The following ZCWPW2 variants were observed in gnomAD, a reference collection of about 807,000 sequenced individuals.
ZCWPW2 encodes the protein zinc finger CW-type PWWP domain protein 2.
In ZCWPW2, 45 loss-of-function variants were observed where a neutral mutation model predicts 46.6. That is an observed-to-expected ratio of 0.96 (90% CI 0.76 to 1.24). ZCWPW2 has a LOEUF of 1.24. ZCWPW2 is among the 50% of genes most tolerant of loss of function. The probability of loss-of-function intolerance (pLI) is 0.00; values close to 1 mark genes in which losing one functional copy is unlikely to be tolerated. For missense variants in ZCWPW2, 429 were observed against 403.9 expected, an observed-to-expected ratio of 1.06 and a Z score of -0.53; for synonymous variants, 152 against 137.1, an observed-to-expected ratio of 1.11 and a Z score of -0.76.
intron 2 of ZCWPW2, among the ~76,000 whole-genome samples, chr3:28,403,519 A>G (rs1025183450): frequency 1.3e-5 from 2 of 152,180 alleles, no homozygotes; most frequent in African/African-American, 4.8e-5. Context: ...TACCATCATC[A>G]TTCTTCACGG....
chr3:28,406,362 C>T lies in ZCWPW2; in HGVS notation c.-13-6694C>T, dbSNP rs139054090. Among the ~76,000 whole-genome samples the T allele has an allele frequency of 2.6e-3, 390 of 152,302 alleles. 1 individual carries two copies. The highest frequency in any genetic ancestry group is 8.4e-3 in the African/African-American group (351 of 41,562). On this transcript the variant is annotated intron_variant, in intron 2 of 9. Coordinates refer to ENST00000383768, the MANE Select transcript of ZCWPW2 (RefSeq NM_001040432.4). ...GAAAATGGGAGAATGACCCTGCAGA[C>T]GATTCAGAAATCATCAGAGTTCTTG...
chr3:28,483,506 G>A (rs1355264664), intron 5 of ZCWPW2, among the ~76,000 whole-genome samples: 1 of 151,996 alleles, frequency 6.6e-6, no homozygotes, highest in East Asian at 1.9e-4. Flanking sequence ...GAATCAGTTT[G>A]TTGATTTCAC....
At chr3:28,493,138 A>ATTTTTTTTTTTTTTTT (rs1173597960) in intron 6 of ZCWPW2, among the ~76,000 whole-genome samples, 2 of 56,636 alleles carry the variant, frequency 3.5e-5, no homozygotes, top group Non-Finnish European at 6.5e-5. Context: ...TTTTTATTTT[A>ATTTTTTTTTTTTTTTT]TTTTTTTTAA....
intron 1 of ZCWPW2, among the ~76,000 whole-genome samples, chr3:28,349,791 G>A (rs1465921544): frequency 2.6e-5 from 4 of 152,128 alleles, no homozygotes; most frequent in Non-Finnish European, 4.4e-5. Context: ...TAGCAATACG[G>A]ACATTACTCA....
At chr3:28,458,225 A>G (rs1037995199) in intron 4 of ZCWPW2, among the ~76,000 whole-genome samples, 2 of 152,182 alleles carry the variant, frequency 1.3e-5, no homozygotes, top group Non-Finnish European at 2.9e-5. Context: ...TGCAAGTTCT[A>G]AACTCAGTGC....
chr3:28,366,855 T>G (rs1216429279), intron 1 of ZCWPW2, among the ~76,000 whole-genome samples: 1 of 152,240 alleles, frequency 6.6e-6, no homozygotes, highest in Non-Finnish European at 1.5e-5. Context: ...TTCAACTTCT[T>G]CCTGATTTAG....
intron 6 of ZCWPW2, among the ~76,000 whole-genome samples, chr3:28,497,814 T>C (rs186769849): frequency 6.6e-6 from 1 of 152,182 alleles, no homozygotes; most frequent in African/African-American, 2.4e-5. Context: ...CTTAACTCCC[T>C]TTTTTAGCTC....
chr3:28,445,964 T>C (rs1463256722), intron 4 of ZCWPW2, among the ~76,000 whole-genome samples: 3 of 152,154 alleles, frequency 2.0e-5, no homozygotes, highest in African/African-American at 7.2e-5. Context: ...AGATGTTCAA[T>C]ATAGCAAGAA....
intron 6 of ZCWPW2, among the ~76,000 whole-genome samples, chr3:28,506,878 C>T (rs766192775): frequency 1.3e-5 from 2 of 152,064 alleles, no homozygotes; most frequent in Non-Finnish European, 2.9e-5. Flanking sequence ...GATTGAACAA[C>T]TAATTGGCAA....
At chr3:28,385,913 CT>C (rs1471502508) in intron 1 of ZCWPW2, among the ~76,000 whole-genome samples, 1 of 149,342 alleles carries the variant, frequency 6.7e-6, no homozygotes, top group Non-Finnish European at 1.5e-5. Flanking sequence ...CTTACACTCT[CT>C]TTATCTGGCT....
chr3:28,524,549 C>CT lies in ZCWPW2; in HGVS notation c.933dup (p.Pro312SerfsTer7). 1.9e-6 allele frequency: 3 copies of CT among 1,604,074 alleles called. No individual in the cohort carries two copies. In the East Asian group the frequency reaches 6.7e-5, roughly 36 times the overall value. ...CAGTTATCTAAATGCAGCCCAGAAG[C>CT]TCCTGCAGGCAGTCTGTTTGAAAAC... On this transcript the variant is annotated frameshift_variant, in exon 10 of 10. Coordinates refer to ENST00000383768, the MANE Select transcript of ZCWPW2 (RefSeq NM_001040432.4). LOFTEE classifies it high-confidence loss of function.
At chr3:28,413,925 G>T (rs975742273) in intron 3 of ZCWPW2, among the ~76,000 whole-genome samples, 3 of 151,846 alleles carry the variant, frequency 2.0e-5, no homozygotes, top group Admixed American at 2.0e-4. Flanking sequence ...TATAATTGTT[G>T]CCTAGATACC....
intron 4 of ZCWPW2, among the ~76,000 whole-genome samples, chr3:28,470,607 G>A (rs915886398): frequency 6.6e-6 from 1 of 151,390 alleles, no homozygotes; most frequent in Non-Finnish European, 1.5e-5. Context: ...TAAAAGGGAA[G>A]TTTATAGCCA....
intron 1 of ZCWPW2, among the ~76,000 whole-genome samples, chr3:28,363,653 C>T (rs1705019668): frequency 6.6e-6 from 1 of 152,124 alleles, no homozygotes; most frequent in Non-Finnish European, 1.5e-5. Context: ...AGCTCTCACT[C>T]TCCATACCAC....
intron 6 of ZCWPW2, among the ~76,000 whole-genome samples, chr3:28,513,522 G>A (rs73823988): frequency 0.029 from 4,441 of 151,974 alleles, 191 homozygotes; most frequent in African/African-American, 0.095. Context: ...AAAATCCTTG[G>A]AGTCCCTAGG....
At chr3:28,452,681 AG>A (rs1237558264) in intron 4 of ZCWPW2, among the ~76,000 whole-genome samples, 1 of 152,208 alleles carries the variant, frequency 6.6e-6, no homozygotes, top group Non-Finnish European at 1.5e-5. Context: ...TAAAGCATTT[AG>A]CATGTGCTTG....
chr3:28,372,683 C>T (rs897044966), intron 1 of ZCWPW2, among the ~76,000 whole-genome samples: 2 of 151,964 alleles, frequency 1.3e-5, no homozygotes, highest in African/African-American at 4.8e-5. Context: ...AGATATATTG[C>T]CTAGCTTTGA....
In ZCWPW2 at chr3:28,492,065, GTATT is replaced by G. The variant is rs1359009719; in HGVS notation, c.611-56_611-53del. 50 of 1,473,324 alleles carry G rather than the reference GTATT, an allele frequency of 3.4e-5. No homozygotes were observed. In the African/African-American group the frequency reaches 5.4e-4, roughly 16 times the overall value. 91.3% of individuals were successfully genotyped at this position (1,473,324 alleles called of 1,614,324 possible). A position where few individuals can be genotyped will look rare whatever the true frequency, so the allele number is the denominator to read the frequency against. On this transcript the variant is annotated intron_variant, in intron 5 of 9. Transcript: ENST00000383768. ...TAGAAAATTCTAATTGTGTAATTCA[GTATT>G]TATTTGAACAGGAACATAGGCACTT...
chr3:28,408,602 C>T (rs1378955589), intron 2 of ZCWPW2, among the ~76,000 whole-genome samples: 1 of 151,982 alleles, frequency 6.6e-6, no homozygotes, highest in Admixed American at 6.6e-5. Context: ...TTTGTGAAGC[C>T]CTCTTAAGTT....
Sources: allele counts gnomAD v4.1 joint callset (sites outside exome capture counted in the v4.1 genomes callset), GRCh38; gene constraint gnomAD v4.1.1; transcripts MANE v1.5; gene names NCBI Gene and HGNC (gene_info 2026-07-23, HGNC 2026-07-21).